Variants in NBAS observed in about 807,000 individuals in gnomAD.
NBAS encodes NBAS subunit of NRZ tethering complex.
Under a neutral mutation model 302.5 loss-of-function variants are expected in NBAS, and 219 were observed. The ratio of observed to expected loss-of-function variants is 0.72; its 90% CI spans 0.65 to 0.81. NBAS has a LOEUF of 0.81. NBAS is among the 30% of genes least tolerant of loss of function. NBAS has a pLI of 0.00. For missense variants in NBAS, 2,932 were observed against 2,841.6 expected (o/e 1.03, Z -0.72); for synonymous variants, 1,118 against 1,021.6 (o/e 1.09, Z -1.80).
the NBAS span, among the ~76,000 whole-genome samples, chr2:14,984,166 A>G: frequency 6.6e-6 from 1 of 152,194 alleles, no homozygotes; most frequent in Non-Finnish European, 1.5e-5. Flanking sequence ...CCCTCTGCCC[A>G]AGCCCCACGA....
the NBAS span, among the ~76,000 whole-genome samples, chr2:15,048,178 T>C: frequency 6.6e-6 from 1 of 152,140 alleles, no homozygotes; most frequent in South Asian, 2.1e-4. Context: ...GGGAGAGGAA[T>C]GAGCTGGCAC....
chr2:14,850,162 G>C, the NBAS span, among the ~76,000 whole-genome samples: 4 of 134,898 alleles, frequency 3.0e-5, no homozygotes, highest in East Asian at 1.9e-4. Flanking sequence ...AGACCCATCA[G>C]TGTGCTGTAT....
chr2:15,494,590 T>C (rs1476307345), intron 11 of NBAS, among the ~76,000 whole-genome samples: 1 of 152,204 alleles, frequency 6.6e-6, no homozygotes. Context: ...TATTTAATTC[T>C]TCTAACTAGT....
intron 44 of NBAS, among the ~76,000 whole-genome samples, chr2:15,270,782 T>G (rs1425696080): frequency 6.6e-6 from 1 of 152,194 alleles, no homozygotes; most frequent in Non-Finnish European, 1.5e-5. Flanking sequence ...ATTTCATGTT[T>G]CTTATAAACA....
Position 15,437,546 on chromosome 2 carries a change from T to A in NBAS, c.2340-9752A>T, listed in dbSNP as rs116347925. Among the ~76,000 whole-genome samples, 474 of 152,292 alleles carry A rather than the reference T, an allele frequency of 3.1e-3. 1 individual carries two copies. The highest frequency in any genetic ancestry group is 0.011 in the African/African-American group (454 of 41,570). On this transcript the variant is annotated intron_variant, in intron 21 of 51. Transcript: ENST00000281513. ...GTGTTCTGATGTCAGTTCGACAGAA[T>A]GTGACTAGGAAGACAATGGTGTAGC...
chr2:15,305,698 C>T (rs1399753825), intron 40 of NBAS, among the ~76,000 whole-genome samples: 2 of 152,062 alleles, frequency 1.3e-5, no homozygotes, highest in African/African-American at 4.8e-5. Context: ...CCACCTGCCT[C>T]GGTCTCCCAA....
At chr2:15,456,319 A>G (rs1444614915) in intron 21 of NBAS, among the ~76,000 whole-genome samples, 1 of 152,258 alleles carries the variant, frequency 6.6e-6, no homozygotes, top group African/African-American at 2.4e-5. Context: ...AAGTTCTGCC[A>G]GTGGGATCTC....
At chr2:14,821,471 C>T in the NBAS span, among the ~76,000 whole-genome samples, 2 of 152,166 alleles carry the variant, frequency 1.3e-5, no homozygotes, top group Non-Finnish European at 2.9e-5. Context: ...CTCTTCTCAG[C>T]TCAGGAATGC....
the NBAS span, among the ~76,000 whole-genome samples, chr2:15,114,114 T>C: frequency 6.6e-6 from 1 of 152,162 alleles, no homozygotes. Context: ...TGACAAATAA[T>C]CTAGCCTCTT....
the NBAS span, among the ~76,000 whole-genome samples, chr2:15,111,364 A>T: frequency 6.6e-6 from 1 of 152,144 alleles, no homozygotes; most frequent in Non-Finnish European, 1.5e-5. Flanking sequence ...CCACATTGGG[A>T]GTGGGTGAGA....
the NBAS span, among the ~76,000 whole-genome samples, chr2:14,957,491 A>G: frequency 2.0e-5 from 3 of 152,208 alleles, no homozygotes; most frequent in Non-Finnish European, 4.4e-5. Context: ...TGACACAAAG[A>G]TCAGTTTGAG....
chr2:15,178,161 C>T (rs946526986), intron 51 of NBAS: 19 of 470,098 alleles, frequency 4.0e-5, no homozygotes, highest in African/African-American at 6.0e-5. Context: ...AGATATCCTG[C>T]CACATTTTTG....
At position 15,459,769 on chromosome 2, in the gene NBAS, G is replaced by A. The variant is rs147145191; in HGVS notation, c.2339+1432C>T. 8.6e-3 allele frequency among the ~76,000 whole-genome samples: 1,304 copies of A among 152,174 alleles called. 26 individuals are homozygous for A. The highest frequency in any genetic ancestry group is 0.029 in the African/African-American group (1,211 of 41,524). ...GCTGGGATTACAGGCGTGAGCCACC[G>A]CACCTGGCCCTTTTTCTTGATTTTT... On this transcript the variant is annotated intron_variant, in intron 21 of 51. Transcript: ENST00000281513.
the NBAS span, among the ~76,000 whole-genome samples, chr2:14,948,636 G>GAAAAT: frequency 6.6e-6 from 1 of 151,824 alleles, no homozygotes; most frequent in Non-Finnish European, 1.5e-5. Flanking sequence ...TGGACTGAAA[G>GAAAAT]AACTAATATT....
chr2:15,281,596 C>T (rs950123576), intron 42 of NBAS, among the ~76,000 whole-genome samples: 1 of 152,126 alleles, frequency 6.6e-6, no homozygotes, highest in Non-Finnish European at 1.5e-5. Flanking sequence ...TCTCTTCAAT[C>T]TCACAGCAGT....
chr2:15,049,476 G>A, the NBAS span, among the ~76,000 whole-genome samples: 2 of 152,200 alleles, frequency 1.3e-5, no homozygotes, highest in Non-Finnish European at 2.9e-5. Flanking sequence ...CAGGCCTCCT[G>A]ATGTGGCCCT....
At chr2:15,191,892 T>C (rs1178932245) in intron 48 of NBAS, among the ~76,000 whole-genome samples, 1 of 152,204 alleles carries the variant, frequency 6.6e-6, no homozygotes, top group African/African-American at 2.4e-5. Flanking sequence ...CAGGGTCCCT[T>C]TGAGGTCCCT....
chr2:15,418,819 G>A, intron 23 of NBAS, among the ~76,000 whole-genome samples: 1 of 152,192 alleles, frequency 6.6e-6, no homozygotes, highest in East Asian at 1.9e-4. Context: ...GACGGCTAGA[G>A]TAGGAGGGAC....
intron 48 of NBAS, among the ~76,000 whole-genome samples, chr2:15,201,477 T>TG: frequency 6.6e-6 from 1 of 152,188 alleles, no homozygotes; most frequent in Non-Finnish European, 1.5e-5. Context: ...CCAAAACCAG[T>TG]CATAAGCTGT....
Sources: gnomAD v4.1 joint callset for allele counts (sites outside exome capture counted in the v4.1 genomes callset) on GRCh38, gnomAD v4.1.1 for gene constraint, MANE v1.5 for transcripts, NCBI Gene and HGNC (gene_info 2026-07-23, HGNC 2026-07-21) for gene names.